The following TBC1D8 variants were observed in gnomAD, a reference collection of about 807,000 sequenced individuals.
TBC1D8 encodes the protein TBC1 domain family member 8.
A neutral mutation model predicts 118.8 loss-of-function variants in TBC1D8; 65 were observed. That is an observed-to-expected ratio of 0.55 (90% CI 0.45 to 0.67). The LOEUF is 0.67. Ranked by LOEUF, TBC1D8 falls within the 30% of genes least tolerant of loss-of-function variation. The pLI is 0.00. For missense variants in TBC1D8, 1,376 were observed against 1,471.2 expected (o/e 0.94, Z 1.06); for synonymous variants, 566 against 595.8 (o/e 0.95, Z 0.73).
intron 2 of TBC1D8, among the ~76,000 whole-genome samples, chr2:101,065,294 T>C (rs1421101784): frequency 6.6e-6 from 1 of 152,262 alleles, no homozygotes; most frequent in Non-Finnish European, 1.5e-5. Flanking sequence ...AAGACATTTC[T>C]CTACAGGCCA....
intron 17 of TBC1D8, among the ~76,000 whole-genome samples, chr2:101,017,600 A>G (rs1679751013): frequency 1.3e-5 from 2 of 152,198 alleles, no homozygotes; most frequent in South Asian, 4.1e-4. Context: ...ATCAGTACCT[A>G]CCATCTAATC....
intron 1 of TBC1D8, among the ~76,000 whole-genome samples, chr2:101,143,864 A>T (rs1365986734): frequency 6.6e-6 from 1 of 152,248 alleles, no homozygotes; most frequent in Non-Finnish European, 1.5e-5. Flanking sequence ...CCCGGCATCA[A>T]CAGGTAGTCC....
chr2:101,045,607 C>T (rs751076944), intron 5 of TBC1D8, among the ~76,000 whole-genome samples: 1 of 152,218 alleles, frequency 6.6e-6, no homozygotes, highest in African/African-American at 2.4e-5. Flanking sequence ...CTCCTGCCCT[C>T]TTGGATAAGG....
chr2:101,133,147 G>T (rs577453142), intron 1 of TBC1D8, among the ~76,000 whole-genome samples: 9 of 139,186 alleles, frequency 6.5e-5, no homozygotes, highest in African/African-American at 2.4e-4. Context: ...GTGACAGTGC[G>T]AGACTCCATC....
intron 1 of TBC1D8, among the ~76,000 whole-genome samples, chr2:101,118,466 G>C (rs1311255248): frequency 6.6e-6 from 1 of 151,920 alleles, no homozygotes; most frequent in Non-Finnish European, 1.5e-5. Context: ...GGAGGCCAAG[G>C]CGGGTGGATC....
At chr2:101,016,058 C>A (rs1298943001) in intron 17 of TBC1D8, among the ~76,000 whole-genome samples, 9 of 151,806 alleles carry the variant, frequency 5.9e-5, no homozygotes, top group Middle Eastern at 3.4e-3. Flanking sequence ...GCAACAAAAG[C>A]CAAAATTGAC....
In TBC1D8 at chr2:101,007,517, G is replaced by T. The variant is rs564201822; in HGVS notation, c.*304C>A. ...TGCTTCTTGGTTAGTATGAGACATT[G>T]TGTTCATCTGAGAGCAAAATCAACA... On this transcript the variant is annotated 3_prime_UTR_variant, in exon 20 of 20. Coordinates refer to ENST00000409318, the MANE Select transcript of TBC1D8 (RefSeq NM_001330348.2). 3 of 347,286 alleles carry T rather than the reference G, an allele frequency of 8.6e-6. No homozygotes were observed. Among genetic ancestry groups the T allele is most frequent in the Non-Finnish European group, 1.6e-5 (3 of 188,938 alleles). The allele number at this position is 347,286 out of a possible 1,614,324, so 21.5% of individuals were successfully genotyped here. A position where few individuals can be genotyped will look rare whatever the true frequency, so the allele number is the denominator to read the frequency against.
At position 101,007,901 on chromosome 2, in the gene TBC1D8, C is replaced by G; in HGVS notation, c.3388G>C (p.Ala1130Pro). 6.2e-7 allele frequency: 1 copy of G among 1,614,000 alleles called. No individual in the cohort carries two copies. The highest frequency in any genetic ancestry group is 8.5e-7 in the Non-Finnish European group (1 of 1,179,894). Residue 1130 changes from alanine (A) to proline (P), a missense_variant, in exon 20 of 20, where the codon GCC (alanine) becomes CCC (proline). By Grantham distance (27) the Ala-to-Pro change is conservative (BLOSUM62 -1). Transcript: ENST00000409318. ...PLDMKSKLENAKINQYNLKTF... is the reference protein window; with the variant it reads ...PLDMKSKLENPKINQYNLKTF... ...TTGAGATTGTACTGATTGATCTTGGCATTTTCAAGTTTGGATTTCATGTCC... is the reference window on the plus strand; with the variant it reads ...TTGAGATTGTACTGATTGATCTTGGGATTTTCAAGTTTGGATTTCATGTCC...
chr2:101,079,852 AT>A (rs1204111798), intron 2 of TBC1D8, among the ~76,000 whole-genome samples: 1 of 151,400 alleles, frequency 6.6e-6, no homozygotes, highest in Non-Finnish European at 1.5e-5. Flanking sequence ...CGCCTGGCTA[AT>A]TTTTTTGTAT....
intron 2 of TBC1D8, among the ~76,000 whole-genome samples, chr2:101,070,258 T>A (rs2105435452): frequency 6.6e-6 from 1 of 152,052 alleles, no homozygotes; most frequent in Admixed American, 6.6e-5. Flanking sequence ...TACATTCCAA[T>A]CTTACATAAA....
At chr2:101,015,178 C>A (rs1044164861) in intron 17 of TBC1D8, among the ~76,000 whole-genome samples, 1 of 151,990 alleles carries the variant, frequency 6.6e-6, no homozygotes, top group African/African-American at 2.4e-5. Flanking sequence ...AGCTGGAACA[C>A]AATGGTAGCT....
intron 19 of TBC1D8, 123 bp downstream of exon 19, chr2:101,010,806 C>G: frequency 1.4e-6 from 1 of 730,526 alleles, no homozygotes; most frequent in Non-Finnish European, 2.2e-6. Flanking sequence ...TGCTTGAACC[C>G]TGGAGGTGGA....
chr2:101,062,898 C>T (rs1682829642), intron 2 of TBC1D8, among the ~76,000 whole-genome samples: 1 of 152,186 alleles, frequency 6.6e-6, no homozygotes, highest in Admixed American at 6.5e-5. Flanking sequence ...CCTTGGCCTC[C>T]CAAAGTGCTG....
intron 6 of TBC1D8, 80 bp downstream of exon 6, chr2:101,040,098 A>C (rs1681283381): frequency 6.6e-7 from 1 of 1,507,546 alleles, no homozygotes; most frequent in East Asian, 2.3e-5. Context: ...TTCCCCTCCC[A>C]CACTCCATCT....
At chr2:101,059,609 A>T in intron 2 of TBC1D8, 70 bp from the exon 3 acceptor site, 1 of 1,312,958 alleles carries the variant, frequency 7.6e-7, no homozygotes, top group Non-Finnish European at 1.1e-6. Flanking sequence ...ACGTTAACTC[A>T]TTTTCCAAAT....
chr2:101,103,883 G>A (rs113033987), intron 1 of TBC1D8, among the ~76,000 whole-genome samples: 3 of 151,802 alleles, frequency 2.0e-5, no homozygotes, highest in African/African-American at 7.3e-5. Context: ...TATATATATA[G>A]AGAGAGAGAG....
At chr2:101,091,706 C>T (rs1211742304) in intron 1 of TBC1D8, among the ~76,000 whole-genome samples, 1 of 152,020 alleles carries the variant, frequency 6.6e-6, no homozygotes, top group African/African-American at 2.4e-5. Flanking sequence ...CCCTGGGAGA[C>T]AGAGCAGGAC....
In TBC1D8 at chr2:101,133,159, C is replaced by CA. The variant is rs34693587; in HGVS notation, c.127+17967dup. ...TGGGTGACAGTGCGAGACTCCATCT[C>CA]AAAAAAAAAAAAAAAAGTATATCTC... On this transcript the variant is annotated intron_variant, in intron 1 of 19. Coordinates refer to ENST00000409318, the MANE Select transcript of TBC1D8 (RefSeq NM_001330348.2). Among the ~76,000 whole-genome samples the CA allele has an allele frequency of 5.3e-3, 472 of 88,292 alleles. 2 individuals are homozygous for CA. Among genetic ancestry groups the CA allele is most frequent in the African/African-American group, 0.012 (261 of 22,624 alleles). 57.9% of individuals were successfully genotyped at this position (88,292 alleles called of 152,430 possible).
At chr2:101,102,522 G>A (rs1676912415) in intron 1 of TBC1D8, among the ~76,000 whole-genome samples, 1 of 147,726 alleles carries the variant, frequency 6.8e-6, no homozygotes, top group Non-Finnish European at 1.5e-5. Context: ...GAGATTTTCA[G>A]AGTGGATTAA....
Sources: gnomAD v4.1 joint callset for allele counts (sites outside exome capture counted in the v4.1 genomes callset) on GRCh38, gnomAD v4.1.1 for gene constraint, MANE v1.5 for transcripts, NCBI Gene and HGNC (gene_info 2026-07-23, HGNC 2026-07-21) for gene names.